Variants in KCNAB1 observed in about 807,000 individuals in gnomAD.
KCNAB1 encodes the protein voltage-gated potassium channel subunit beta-1.
A neutral mutation model predicts 64.6 loss-of-function variants in KCNAB1; 35 were observed. That is an observed-to-expected ratio of 0.54 (90% CI 0.41 to 0.72). The LOEUF is 0.72. Ranked by LOEUF, KCNAB1 falls within the 30% of genes least tolerant of loss-of-function variation. The probability of loss-of-function intolerance (pLI) is 0.00; values close to 1 mark genes in which losing one functional copy is unlikely to be tolerated. For synonymous variants in KCNAB1, 177 were observed against 183.8 expected, an observed-to-expected ratio of 0.96 and a Z score of 0.30; for missense variants, 401 against 512.9, an observed-to-expected ratio of 0.78 and a Z score of 2.11.
At chr3:156,235,608 C>A (rs1264257222) in intron 1 of KCNAB1, among the ~76,000 whole-genome samples, 1 of 152,164 alleles carries the variant, frequency 6.6e-6, no homozygotes. Flanking sequence ...GAAAAGAAAT[C>A]ATCATGGTGG....
chr3:156,386,975 G>A (rs891411661), intron 1 of KCNAB1, among the ~76,000 whole-genome samples: 2 of 138,114 alleles, frequency 1.4e-5, no homozygotes, highest in African/African-American at 5.8e-5. Context: ...ATTCATTCTT[G>A]CTTGCTTGCT....
rs181109995 is a variant in KCNAB1, at chr3:156,238,315, G to C, written c.275+117429G>C. ...TGGGCGCCTGTAGTCCCAGCTCCTC[G>C]GGAGGCTGAGGCAGGAGAATGGCGT... is the stretch of plus-strand genomic sequence containing the variant. On this transcript the variant is annotated intron_variant, in intron 1 of 13. Coordinates refer to ENST00000490337, the MANE Select transcript of KCNAB1 (RefSeq NM_172160.3). Among the ~76,000 whole-genome samples the C allele has an allele frequency of 9.6e-3, 1,464 of 151,798 alleles. 21 individuals are homozygous for C. Among genetic ancestry groups the C allele is most frequent in the African/African-American group, 0.034 (1,397 of 41,342 alleles).
chr3:156,408,013 G>A (rs934714000), intron 1 of KCNAB1, among the ~76,000 whole-genome samples: 6 of 152,112 alleles, frequency 3.9e-5, no homozygotes, highest in African/African-American at 9.7e-5. Flanking sequence ...TACTGCCATG[G>A]CATCAATCAC....
At chr3:156,223,088 G>A (rs1421742747) in intron 1 of KCNAB1, among the ~76,000 whole-genome samples, 1 of 152,174 alleles carries the variant, frequency 6.6e-6, no homozygotes, top group East Asian at 1.9e-4. Context: ...GTTCTTAAAG[G>A]CAGTGTGTCC....
intron 1 of KCNAB1, among the ~76,000 whole-genome samples, chr3:156,131,515 A>C (rs1351922377): frequency 2.0e-5 from 3 of 152,238 alleles, no homozygotes; most frequent in Non-Finnish European, 4.4e-5. Context: ...GATTGTGAAT[A>C]GGCTGTAGGT....
At chr3:156,359,575 A>G (rs1341539371) in intron 1 of KCNAB1, among the ~76,000 whole-genome samples, 4 of 152,176 alleles carry the variant, frequency 2.6e-5, no homozygotes, top group Non-Finnish European at 5.9e-5. Flanking sequence ...CATCCAGGAG[A>G]TCAAAACTGA....
intron 1 of KCNAB1, among the ~76,000 whole-genome samples, chr3:156,281,880 C>T (rs370170730): frequency 3.3e-3 from 483 of 146,840 alleles, no homozygotes; most frequent in East Asian, 0.012. Context: ...GTCTTGCTAG[C>T]GGTCTATCAA....
Position 156,476,395 on chromosome 3 carries a change from C to T in KCNAB1, c.658+1575C>T, listed in dbSNP as rs1277453036. Among the ~76,000 whole-genome samples, 11 of 152,040 alleles carry T rather than the reference C, an allele frequency of 7.2e-5. 1 individual carries two copies. Among genetic ancestry groups the T allele is most frequent in the South Asian group, 2.1e-4 (1 of 4,832 alleles). Reference sequence around the variant, plus strand: ...CTCACATATCGGTGAGAACACACAACGTTTGGTTTCCCATTCCTGGGTTAC... The same window carrying T: ...CTCACATATCGGTGAGAACACACAATGTTTGGTTTCCCATTCCTGGGTTAC... On this transcript the variant is annotated intron_variant, in intron 8 of 13. Transcript: ENST00000490337.
At chr3:156,501,094 A>G (rs1474999294) in intron 8 of KCNAB1, among the ~76,000 whole-genome samples, 1 of 152,316 alleles carries the variant, frequency 6.6e-6, no homozygotes, top group East Asian at 1.9e-4. Context: ...AATTACCCTC[A>G]ATACAGAACA....
chr3:156,261,592 A>T (rs190130813), intron 1 of KCNAB1, among the ~76,000 whole-genome samples: 1 of 152,040 alleles, frequency 6.6e-6, no homozygotes, highest in Non-Finnish European at 1.5e-5. Context: ...GTTCTCTCCT[A>T]TTAATCTATA....
In KCNAB1 at chr3:156,537,259, T is replaced by C; in HGVS notation, c.*512T>C. The C allele has an allele frequency of 2.6e-6, 1 of 389,068 alleles. No homozygotes were observed. 24.1% of individuals were successfully genotyped at this position (389,068 alleles called of 1,614,324 possible). A position where few individuals can be genotyped will look rare whatever the true frequency, so the allele number is the denominator to read the frequency against. On this transcript the variant is annotated 3_prime_UTR_variant, in exon 14 of 14. Coordinates refer to ENST00000490337, the MANE Select transcript of KCNAB1 (RefSeq NM_172160.3). ...TCACTGCAAAAAAAAAAAAGCAGTA[T>C]CTTCACTCAAAAGTCTTGCTTGGAA...
At position 156,538,406 on chromosome 3, in the gene KCNAB1, C is replaced by T. The variant is rs141877766; in HGVS notation, c.*1659C>T. 12 of 152,180 alleles carry T rather than the reference C, an allele frequency of 7.9e-5. No individual in the cohort carries two copies. Among genetic ancestry groups the T allele is most frequent in the African/African-American group, 2.4e-4 (10 of 41,516 alleles). 9.4% of individuals were successfully genotyped at this position (152,180 alleles called of 1,614,324 possible). ...GAAATTTTCTTTTTGATTACTAGTA[C>T]CTGTATTCTAACAGAGAGTTTGAAT... is the stretch of plus-strand genomic sequence containing the variant. On this transcript the variant is annotated 3_prime_UTR_variant, in exon 14 of 14. Coordinates refer to ENST00000490337, the MANE Select transcript of KCNAB1 (RefSeq NM_172160.3).
At chr3:156,198,459 A>T (rs1714101179) in intron 1 of KCNAB1, among the ~76,000 whole-genome samples, 1 of 152,056 alleles carries the variant, frequency 6.6e-6, no homozygotes, top group South Asian at 2.1e-4. Context: ...TTGTTTTATG[A>T]ATCTGGGTGT....
intron 4 of KCNAB1, among the ~76,000 whole-genome samples, chr3:156,458,380 G>T (rs1047741244): frequency 3.3e-5 from 5 of 152,200 alleles, no homozygotes; most frequent in Admixed American, 1.3e-4. Context: ...CAGAACCAAG[G>T]AAACTAAATA....
At chr3:156,332,046 A>T (rs147244954) in intron 1 of KCNAB1, among the ~76,000 whole-genome samples, 1 of 152,194 alleles carries the variant, frequency 6.6e-6, no homozygotes, top group Non-Finnish European at 1.5e-5. Context: ...AGTTCATCAC[A>T]TGTGAATATC....
rs941392824 is a variant in KCNAB1 at position 156,442,049 on chromosome 3, T to C, written c.320-10850T>C. Among the ~76,000 whole-genome samples the C allele has an allele frequency of 3.3e-5, 5 of 152,196 alleles. 1 individual carries two copies. Among genetic ancestry groups the C allele is most frequent in the Admixed American group, 1.3e-4 (2 of 15,278 alleles). On this transcript the variant is annotated intron_variant, in intron 2 of 13. Coordinates refer to ENST00000490337, the MANE Select transcript of KCNAB1 (RefSeq NM_172160.3). ...ACTAAAACACGCAGAGAAGAAAACA[T>C]GTATCTAAAGACTTTTTGGCTTTAT...
At chr3:156,399,762 G>A (rs1713749213) in intron 1 of KCNAB1, among the ~76,000 whole-genome samples, 1 of 152,184 alleles carries the variant, frequency 6.6e-6, no homozygotes, top group Non-Finnish European at 1.5e-5. Flanking sequence ...AAACTTCAGA[G>A]GTGGGCAGGT....
chr3:156,244,144 T>A (rs1717324511), intron 1 of KCNAB1, among the ~76,000 whole-genome samples: 1 of 152,232 alleles, frequency 6.6e-6, no homozygotes. Context: ...ATTTATTCTC[T>A]TACAGTTCTG....
chr3:156,120,818 C>T lies in KCNAB1; in HGVS notation c.207C>T (p.Asn69=), dbSNP rs72558049. ...CTCTGCTGCGCGAAGTGGAGATGAA[C>T]TGGTACCTAAAGCTCTGCGACCTGT... The part of the protein sequence containing the change: ...QLALLREVEM[N]WYLKLCDLSS... Residue 69 remains asparagine, a synonymous_variant, in exon 1 of 14, where the codon AAC becomes AAT. Transcript: ENST00000490337. The T allele has an allele frequency of 3.1e-6, 5 of 1,614,140 alleles. No individual in the cohort carries two copies. Among genetic ancestry groups the T allele is most frequent in the Non-Finnish European group, 4.2e-6 (5 of 1,180,060 alleles).
Sources: allele counts gnomAD v4.1 joint callset (sites outside exome capture counted in the v4.1 genomes callset), GRCh38; gene constraint gnomAD v4.1.1; transcripts MANE v1.5; gene names NCBI Gene and HGNC (gene_info 2026-07-23, HGNC 2026-07-21).